The following FAM117A variants were observed in gnomAD, a reference collection of about 807,000 sequenced individuals.
The protein encoded by FAM117A is protein FAM117A.
FAM117A carries 21 observed loss-of-function variants against 44.1 expected under a neutral mutation model. The ratio of observed to expected loss-of-function variants is 0.48; its 90% CI spans 0.34 to 0.69. The LOEUF (loss-of-function observed/expected upper bound fraction) is 0.69, where lower values mean the gene tolerates loss of function less well. Ranked by LOEUF, FAM117A falls within the 30% of genes least tolerant of loss-of-function variation. The pLI is 0.01. For missense variants in FAM117A, 498 were observed against 589.9 expected (o/e 0.84, Z 1.61); for synonymous variants, 220 against 238.3 (o/e 0.92, Z 0.71).
chr17:49,782,446 T>C (rs1456769312), intron 1 of FAM117A, among the ~76,000 whole-genome samples: 1 of 151,048 alleles, frequency 6.6e-6, no homozygotes, highest in East Asian at 1.9e-4. Flanking sequence ...TCCGAGCATT[T>C]TGGGAGGCCA....
Position 49,764,070 on chromosome 17 carries a change from C to A in FAM117A, c.18G>T (p.Ala6=). 7.9e-7 allele frequency: 1 copy of A among 1,263,234 alleles called. No individual in the cohort carries two copies. The highest frequency in any genetic ancestry group is 1.0e-6 in the Non-Finnish European group (1 of 1,002,010). 78.3% of individuals were successfully genotyped at this position (1,263,234 alleles called of 1,614,324 possible). A position where few individuals can be genotyped will look rare whatever the true frequency, so the allele number is the denominator to read the frequency against. MAGAA[A]GGRGGGAWGP... ...CCCAGGCACCTCCGCCTCTGCCGCC[C>A]GCTGCGGCCCCCGCCATGGCTCTCC... The change falls in exon 1 of 8, where the codon GCG becomes GCT. Residue 6 remains alanine (A), a synonymous_variant. Transcript: ENST00000240364.
intron 1 of FAM117A, among the ~76,000 whole-genome samples, chr17:49,770,344 TG>T (rs1331694184): frequency 6.6e-6 from 1 of 151,882 alleles, no homozygotes; most frequent in African/African-American, 2.4e-5. Flanking sequence ...TACTGATATT[TG>T]CTATAGCATG....
intron 1 of FAM117A, among the ~76,000 whole-genome samples, chr17:49,758,333 A>G (rs907002999): frequency 1.3e-5 from 2 of 150,836 alleles, no homozygotes; most frequent in African/African-American, 4.9e-5. Context: ...TCCGTCTCCA[A>G]AAAATAAATA....
At chr17:49,748,981 C>G (rs1389629319) in intron 1 of FAM117A, among the ~76,000 whole-genome samples, 1 of 152,114 alleles carries the variant, frequency 6.6e-6, no homozygotes, top group East Asian at 1.9e-4. Context: ...TCCTTGGGCC[C>G]TGTGGTTAAT....
chr17:49,746,505 G>T (rs965159391), intron 1 of FAM117A, among the ~76,000 whole-genome samples: 1 of 152,194 alleles, frequency 6.6e-6, no homozygotes, highest in Non-Finnish European at 1.5e-5. Flanking sequence ...CTCACAAGAT[G>T]TAAGTTAATG....
Position 49,763,910 on chromosome 17 carries a change from C to T in FAM117A, c.178G>A (p.Asp60Asn), listed in dbSNP as rs1019741031. The T allele has an allele frequency of 8.1e-7, 1 of 1,236,806 alleles. No individual in the cohort carries two copies. The highest frequency in any genetic ancestry group is 1.0e-6 in the Non-Finnish European group (1 of 991,296). The allele number at this position is 1,236,806 out of a possible 1,614,324, so 76.6% of individuals were successfully genotyped here. The change falls in exon 1 of 8, where the codon GAC (aspartate) becomes AAC (asparagine). Residue 60 changes from aspartate (D) to asparagine (N), a missense_variant. This residue lies in a region of FAM117A where 270 missense variants were observed against 277.4 expected (regional missense o/e 0.97). Coordinates refer to ENST00000240364, the MANE Select transcript of FAM117A (RefSeq NM_030802.4). ...FQLQQPHQRR[D>N]GGGRAASVPC... is the part of the protein sequence containing the mutation. ...GGCTCACCTGCACGGCCACCCCCGT[C>T]CCGGCGCTGGTGCGGCTGCTGCAGC...
At position 49,724,909 on chromosome 17, in the gene FAM117A, TCTC is replaced by T. The variant is rs1439439740; in HGVS notation, c.367-2318_367-2316del. 4.7e-5 allele frequency among the ~76,000 whole-genome samples: 7 copies of T among 150,526 alleles called. No individual in the cohort carries two copies. The South Asian group carries it at 6.3e-4, about 14-fold the overall frequency. On this transcript the variant is annotated intron_variant, in intron 2 of 7. Transcript: ENST00000240364. ...GTGAAAATCATAGCAGCTAGGGTCA[TCTC>T]CTCTCTCAATCCAAGTGACCCCACC...
intron 1 of FAM117A, among the ~76,000 whole-genome samples, chr17:49,782,773 T>C (rs1437801686): frequency 6.6e-6 from 1 of 152,094 alleles, no homozygotes; most frequent in East Asian, 1.9e-4. Flanking sequence ...TCATTTAGTG[T>C]TATTACACTG....
intron 1 of FAM117A, among the ~76,000 whole-genome samples, chr17:49,774,093 T>C (rs946354385): frequency 6.6e-6 from 1 of 152,202 alleles, no homozygotes; most frequent in African/African-American, 2.4e-5. Flanking sequence ...ATTTTAAATA[T>C]GGTTGTCTTT....
At chr17:49,720,230 G>C in intron 4 of FAM117A, 96 bp downstream of exon 4, 2 of 954,998 alleles carry the variant, frequency 2.1e-6, no homozygotes, top group Non-Finnish European at 3.2e-6. Context: ...GTGTGGTAGG[G>C]GGCTCGGCAG....
At chr17:49,722,081 A>G (rs561579431) in intron 3 of FAM117A, among the ~76,000 whole-genome samples, 1 of 152,310 alleles carries the variant, frequency 6.6e-6, no homozygotes, top group South Asian at 2.1e-4. Flanking sequence ...CCTGGCCAGT[A>G]GAGACTCTGT....
At chr17:49,775,628 A>AGTTGT (rs2073773585) in intron 1 of FAM117A, among the ~76,000 whole-genome samples, 1 of 152,094 alleles carries the variant, frequency 6.6e-6, no homozygotes, top group African/African-American at 2.4e-5. Flanking sequence ...TGCCTCGAGG[A>AGTTGT]GTTGTGTTGT....
At chr17:49,747,242 C>T (rs942356655) in intron 1 of FAM117A, 12 of 152,108 alleles carry the variant, frequency 7.9e-5, no homozygotes, top group East Asian at 3.9e-4. Flanking sequence ...TCCTCTACCA[C>T]ACAGGAGAAT....
At chr17:49,788,568 C>T in exon 1 of FAM117A, 1 of 404,162 alleles carries the variant, frequency 2.5e-6, no homozygotes, top group Non-Finnish European at 4.4e-6. Context: ...ATGGCGCCCA[C>T]TAGCTTCACC....
chr17:49,751,149 G>T (rs1460261912), intron 1 of FAM117A, among the ~76,000 whole-genome samples: 1 of 151,608 alleles, frequency 6.6e-6, no homozygotes, highest in African/African-American at 2.4e-5. Context: ...GTGTGGTGGT[G>T]TGTGCCTGTA....
At chr17:49,740,279 A>AC (rs1598027544) in intron 1 of FAM117A, among the ~76,000 whole-genome samples, 1 of 148,244 alleles carries the variant, frequency 6.7e-6, no homozygotes, top group African/African-American at 2.5e-5. Context: ...AGGGAGTCTC[A>AC]CTCTGTCCCT....
At chr17:49,750,358 G>A (rs1198175002) in intron 1 of FAM117A, among the ~76,000 whole-genome samples, 2 of 148,950 alleles carry the variant, frequency 1.3e-5, no homozygotes, top group African/African-American at 4.9e-5. Context: ...ACTGGAGGAG[G>A]GGAGGATCAA....
intron 1 of FAM117A, among the ~76,000 whole-genome samples, chr17:49,740,549 T>C (rs1034643330): frequency 2.0e-5 from 3 of 152,194 alleles, no homozygotes; most frequent in African/African-American, 7.2e-5. Flanking sequence ...GCACCCAGCC[T>C]GGTAAGCAGA....
At chr17:49,738,394 C>T (rs1023801418) in intron 1 of FAM117A, among the ~76,000 whole-genome samples, 1 of 151,906 alleles carries the variant, frequency 6.6e-6, no homozygotes, top group African/African-American at 2.4e-5. Flanking sequence ...AAATGTCACA[C>T]AAATAGCAGA....
Sources: allele counts gnomAD v4.1 joint callset (sites outside exome capture counted in the v4.1 genomes callset), GRCh38; gene constraint gnomAD v4.1.1; regional missense constraint gnomAD v4.1.1; transcripts MANE v1.5; gene names NCBI Gene and HGNC (gene_info 2026-07-23, HGNC 2026-07-21).